Variants in ACOXL observed in about 807,000 individuals in gnomAD.
ACOXL encodes acyl-coenzyme A oxidase-like protein.
A neutral mutation model predicts 71.9 loss-of-function variants in ACOXL; 70 were observed. The ratio of observed to expected loss-of-function variants is 0.97; its 90% CI spans 0.80 to 1.19. The LOEUF is 1.19. ACOXL is among the 50% of genes most tolerant of loss of function. The pLI is 0.00. For missense variants in ACOXL, 703 were observed against 736.3 expected, an observed-to-expected ratio of 0.95 and a Z score of 0.52; for synonymous variants, 253 against 281.6, an observed-to-expected ratio of 0.90 and a Z score of 1.02.
At chr2:110,870,665 G>C (rs913992829) in intron 10 of ACOXL, among the ~76,000 whole-genome samples, 8 of 152,166 alleles carry the variant, frequency 5.3e-5, no homozygotes, top group African/African-American at 1.9e-4. Flanking sequence ...TCCATACCGT[G>C]TACACCTGGT....
At chr2:111,095,222 G>GAAA (rs5833386) in intron 17 of ACOXL, among the ~76,000 whole-genome samples, 58 of 140,280 alleles carry the variant, frequency 4.1e-4, no homozygotes, top group South Asian at 1.6e-3. Context: ...TTTTTAATTA[G>GAAA]AAAAAAAAAA....
Position 110,933,535 on chromosome 2 carries a change from C to T in ACOXL, c.952C>T (p.Leu318=), listed in dbSNP as rs746601848. 2 of 1,614,204 alleles carry T rather than the reference C, an allele frequency of 1.2e-6. No individual in the cohort carries two copies. The highest frequency in any genetic ancestry group is 3.3e-5 in the Admixed American group (2 of 60,028). Residue 318 remains leucine (L), a synonymous_variant, in exon 12 of 18, where the codon CTG becomes TTG. Transcript: ENST00000439055. ...TGAGGATGTCTTCCAGGGAAAGGAG[C>T]TGGTCAACAGTCGCTCGCTGCAGGC... is the stretch of plus-strand genomic sequence containing the variant. ...LDEDVFQGKE[L]VNSRSLQALV... is the part of the protein sequence containing the mutation.
chr2:110,835,525 C>T (rs1432320174), intron 9 of ACOXL, among the ~76,000 whole-genome samples: 1 of 152,178 alleles, frequency 6.6e-6, no homozygotes, highest in East Asian at 1.9e-4. Context: ...GTGCAGACAC[C>T]TCTCCCTGCT....
At chr2:110,771,995 C>T (rs559349409) in intron 2 of ACOXL, among the ~76,000 whole-genome samples, 18 of 152,238 alleles carry the variant, frequency 1.2e-4, no homozygotes, top group Non-Finnish European at 2.5e-4. Context: ...TGATCTTCAC[C>T]ATAGCAGACA....
chr2:110,732,820 C>G (rs754079132), intron 1 of ACOXL, 46 bp downstream of exon 1: 1 of 152,336 alleles, frequency 6.6e-6, no homozygotes, highest in Non-Finnish European at 1.5e-5. Context: ...CCGAAGCCGC[C>G]GAGCGTGTCC....
intron 9 of ACOXL, among the ~76,000 whole-genome samples, chr2:110,811,959 C>A (rs1020918425): frequency 2.0e-5 from 3 of 152,140 alleles, no homozygotes; most frequent in African/African-American, 7.2e-5. Context: ...TAATGACTTG[C>A]AGGTTCTGTT....
At chr2:110,752,483 A>G (rs1485705554) in intron 1 of ACOXL, among the ~76,000 whole-genome samples, 1 of 151,658 alleles carries the variant, frequency 6.6e-6, no homozygotes, top group East Asian at 1.9e-4. Context: ...GTAAAAAATA[A>G]TTTATGAAGT....
rs530822119 is a variant in ACOXL, at chr2:111,108,607, C to T, written c.1543-9009C>T. Among the ~76,000 whole-genome samples the T allele has an allele frequency of 4.6e-5, 7 of 152,204 alleles. No homozygotes were observed. In the East Asian group the frequency reaches 1.4e-3, roughly 29 times the overall value. ...TTGGTCAGGCTGGTCTCGTCCCGAC[C>T]TCAGGTGATACCGCCCGCCTTGGCC... On this transcript the variant is annotated intron_variant, in intron 17 of 17. Coordinates refer to ENST00000439055, the MANE Select transcript of ACOXL (RefSeq NM_001142807.4).
chr2:111,053,769 GGTGGGAGATA>G (rs1162968555), intron 16 of ACOXL, among the ~76,000 whole-genome samples: 1 of 152,190 alleles, frequency 6.6e-6, no homozygotes, highest in African/African-American at 2.4e-5. Context: ...CTCCAATTTG[GGTGGGAGATA>G]GCCCCAGCCA....
intron 1 of ACOXL, among the ~76,000 whole-genome samples, chr2:110,751,581 G>A (rs928127132): frequency 6.6e-6 from 1 of 152,134 alleles, no homozygotes; most frequent in African/African-American, 2.4e-5. Context: ...TTCATTTGCT[G>A]TAGAACTTCA....
chr2:110,954,316 A>G (rs553699224), intron 12 of ACOXL, among the ~76,000 whole-genome samples: 28 of 152,276 alleles, frequency 1.8e-4, no homozygotes, highest in African/African-American at 6.5e-4. Context: ...TCTCATTTTT[A>G]TCTGTTTAGT....
At chr2:110,838,738 A>G (rs1337071400) in intron 9 of ACOXL, among the ~76,000 whole-genome samples, 1 of 152,126 alleles carries the variant, frequency 6.6e-6, no homozygotes, top group Non-Finnish European at 1.5e-5. Flanking sequence ...TCCTCATTGG[A>G]CCCAGTGTAT....
At chr2:110,921,313 CTTTA>C (rs2149291453) in intron 11 of ACOXL, among the ~76,000 whole-genome samples, 1 of 147,034 alleles carries the variant, frequency 6.8e-6, no homozygotes, top group South Asian at 2.1e-4. Flanking sequence ...CTGCTCCAAT[CTTTA>C]TTTCTTTCCT....
chr2:110,852,435 C>T (rs974239911), intron 10 of ACOXL, among the ~76,000 whole-genome samples: 11 of 152,206 alleles, frequency 7.2e-5, no homozygotes, highest in Admixed American at 5.9e-4. Context: ...AAGGGCGTTT[C>T]TCAAGTTTGA....
rs200741012 is a variant in ACOXL, at chr2:110,939,879, A to C, written c.1059+6237A>C. On this transcript the variant is annotated intron_variant, in intron 12 of 17. Coordinates refer to ENST00000439055, the MANE Select transcript of ACOXL (RefSeq NM_001142807.4). ...TTGTTCTTCCAGTGTGGCCCAGGGA[A>C]GCCAAAAGATTGGACACCCCTAATG... is the stretch of plus-strand genomic sequence containing the variant. Among the ~76,000 whole-genome samples, 6 of 152,366 alleles carry C rather than the reference A, an allele frequency of 3.9e-5. No individual in the cohort carries two copies. In the East Asian group the frequency reaches 1.2e-3, roughly 29 times the overall value.
chr2:111,062,379 C>T (rs996156678), intron 16 of ACOXL, among the ~76,000 whole-genome samples: 1 of 152,040 alleles, frequency 6.6e-6, no homozygotes, highest in Non-Finnish European at 1.5e-5. Context: ...CAGTTACAGA[C>T]TTCAACACTC....
chr2:110,942,283 G>T lies in ACOXL; in HGVS notation c.1059+8641G>T, dbSNP rs182255869. 2.9e-3 allele frequency among the ~76,000 whole-genome samples: 434 copies of T among 152,116 alleles called. 2 individuals are homozygous for T. Among genetic ancestry groups the T allele is most frequent in the Non-Finnish European group, 3.5e-3 (239 of 68,004 alleles). On this transcript the variant is annotated intron_variant, in intron 12 of 17. Transcript: ENST00000439055. ...TTCAAAGGCAGAAATTGTCAGACTG[G>T]ATAAAAAAGCAAGACCAAATTATAT...
chr2:110,754,669 T>A (rs1402530346), intron 1 of ACOXL, among the ~76,000 whole-genome samples: 1 of 152,252 alleles, frequency 6.6e-6, no homozygotes, highest in Non-Finnish European at 1.5e-5. Context: ...AGTGGTTCAT[T>A]CCTTTTAATT....
chr2:110,854,538 C>T (rs531656601), intron 10 of ACOXL, among the ~76,000 whole-genome samples: 3 of 152,298 alleles, frequency 2.0e-5, no homozygotes, highest in African/African-American at 7.2e-5. Context: ...TGCTCTCCAC[C>T]AGCAGGGGGA....
Sources: allele counts gnomAD v4.1 joint callset (sites outside exome capture counted in the v4.1 genomes callset), GRCh38; gene constraint gnomAD v4.1.1; transcripts MANE v1.5; gene names NCBI Gene and HGNC (gene_info 2026-07-23, HGNC 2026-07-21).